The following SGTB variants were observed in gnomAD, a reference collection of about 807,000 sequenced individuals.
SGTB encodes small glutamine-rich tetratricopeptide repeat-containing protein beta.
SGTB carries 19 observed loss-of-function variants against 43.9 expected under a neutral mutation model. The observed-to-expected ratio is 0.43, with a 90% CI of 0.30 to 0.63. SGTB has a LOEUF of 0.63. Ranked by LOEUF, SGTB falls within the 30% of genes least tolerant of loss-of-function variation. The pLI, the probability that SGTB is intolerant of heterozygous loss-of-function variation, is 0.12. For synonymous variants in SGTB, 116 were observed against 117.3 expected (o/e 0.99, Z 0.07); for missense variants, 304 against 358.9 (o/e 0.85, Z 1.24).
chr5:65,721,174 C>T (rs1579893994), intron 1 of SGTB, among the ~76,000 whole-genome samples: 1 of 152,208 alleles, frequency 6.6e-6, no homozygotes, highest in Admixed American at 6.5e-5. Context: ...AGTTAAGAGG[C>T]ATTTCATACT....
At chr5:65,708,695 T>C (rs1251179897) in intron 3 of SGTB, 137 bp from the exon 4 acceptor site, 32 of 555,854 alleles carry the variant, frequency 5.8e-5, no homozygotes, top group Middle Eastern at 9.7e-4. Flanking sequence ...TCCTAAATAA[T>C]AGTATTAACA....
chr5:65,714,255 T>C (rs1217022400), intron 2 of SGTB, among the ~76,000 whole-genome samples: 1 of 152,160 alleles, frequency 6.6e-6, no homozygotes, highest in Non-Finnish European at 1.5e-5. Flanking sequence ...CATTCATCTA[T>C]GCAAATTTGC....
intron 2 of SGTB, among the ~76,000 whole-genome samples, chr5:65,717,909 G>T (rs1010493604): frequency 1.3e-5 from 2 of 151,994 alleles, no homozygotes; most frequent in Non-Finnish European, 2.9e-5. Context: ...AACAAAGTTG[G>T]GCTTTGCAAG....
At chr5:65,711,152 G>A (rs1340004658) in intron 3 of SGTB, among the ~76,000 whole-genome samples, 13 of 151,870 alleles carry the variant, frequency 8.6e-5, no homozygotes, top group South Asian at 2.1e-4. Flanking sequence ...GCGACAGGGC[G>A]AGACTCCATC....
chr5:65,707,594 C>A (rs986648864), intron 4 of SGTB, among the ~76,000 whole-genome samples: 1 of 151,882 alleles, frequency 6.6e-6, no homozygotes, highest in African/African-American at 2.4e-5. Context: ...ACCACCATGC[C>A]CAGCTAATTT....
intron 5 of SGTB, among the ~76,000 whole-genome samples, chr5:65,689,329 C>G (rs1036373938): frequency 2.0e-5 from 3 of 152,110 alleles, no homozygotes; most frequent in Non-Finnish European, 4.4e-5. Context: ...TCAGAGCAAT[C>G]AAGGACCATT....
chr5:65,682,405 G>A (rs921213496), intron 6 of SGTB, among the ~76,000 whole-genome samples: 10 of 152,164 alleles, frequency 6.6e-5, no homozygotes, highest in Non-Finnish European at 1.0e-4. Flanking sequence ...TGGCTTCTAC[G>A]TAGAGGATCT....
chr5:65,696,387 G>C (rs1757714927), intron 5 of SGTB, among the ~76,000 whole-genome samples: 2 of 152,216 alleles, frequency 1.3e-5, no homozygotes, highest in Admixed American at 1.3e-4. Context: ...CATTGTGTTT[G>C]TGTAGAGACA....
At chr5:65,673,670 T>C (rs918077508) in intron 8 of SGTB, among the ~76,000 whole-genome samples, 11 of 151,468 alleles carry the variant, frequency 7.3e-5, no homozygotes, top group African/African-American at 2.2e-4. Flanking sequence ...TATTTTTTTT[T>C]TTTGAGATGA....
intron 3 of SGTB, among the ~76,000 whole-genome samples, chr5:65,710,267 G>A (rs1227896152): frequency 6.6e-6 from 1 of 152,044 alleles, no homozygotes; most frequent in Non-Finnish European, 1.5e-5. Flanking sequence ...ATAAGCCTAG[G>A]CACTTTATAC....
In SGTB at chr5:65,666,367, T is replaced by C. The variant is rs1014958212; in HGVS notation, c.*3879A>G. ...TTTAACCTATATTATAAAAGTTAGA[T>C]ACACAATTTGGTACATTAAATGAAA... is the stretch of plus-strand genomic sequence containing the variant. On this transcript the variant is annotated 3_prime_UTR_variant, in exon 11 of 11. Coordinates refer to ENST00000381007, the MANE Select transcript of SGTB (RefSeq NM_019072.3). The C allele has an allele frequency of 3.3e-5, 5 of 152,180 alleles. No homozygotes were observed. In the East Asian group the frequency reaches 5.8e-4, roughly 18 times the overall value. The allele number at this position is 152,180 out of a possible 1,614,324, so 9.4% of individuals were successfully genotyped here.
chr5:65,691,590 A>T (rs1397223683), intron 5 of SGTB, among the ~76,000 whole-genome samples: 1 of 150,842 alleles, frequency 6.6e-6, no homozygotes, highest in Non-Finnish European at 1.5e-5. Context: ...GGCCTCCCAA[A>T]GTGCTGGGAT....
chr5:65,696,432 T>C (rs1757715934), intron 5 of SGTB, among the ~76,000 whole-genome samples: 1 of 152,232 alleles, frequency 6.6e-6, no homozygotes, highest in Non-Finnish European at 1.5e-5. Flanking sequence ...TTTCATATCA[T>C]GGAGAACTTG....
chr5:65,694,006 T>C (rs955466216), intron 5 of SGTB, among the ~76,000 whole-genome samples: 2 of 152,200 alleles, frequency 1.3e-5, no homozygotes, highest in Non-Finnish European at 2.9e-5. Context: ...CAATATTTAA[T>C]TGTATTACAT....
intron 6 of SGTB, among the ~76,000 whole-genome samples, chr5:65,681,777 C>A (rs1304468650): frequency 6.6e-6 from 1 of 152,062 alleles, no homozygotes. Context: ...GAGTCTGAGA[C>A]CAGTCTGGCC....
chr5:65,672,727 C>T (rs1277730048), intron 8 of SGTB, among the ~76,000 whole-genome samples: 1 of 152,208 alleles, frequency 6.6e-6, no homozygotes, highest in East Asian at 1.9e-4. Context: ...TATGTGCACA[C>T]ATACTTTTAA....
At chr5:65,688,422 A>G (rs993939367) in intron 5 of SGTB, among the ~76,000 whole-genome samples, 2 of 152,190 alleles carry the variant, frequency 1.3e-5, no homozygotes, top group African/African-American at 4.8e-5. Flanking sequence ...CAAGAGTCTC[A>G]CCTTCAAAAC....
upstream of SGTB, chr5:65,722,405 G>T: frequency 6.3e-7 from 1 of 1,590,640 alleles, no homozygotes; most frequent in Non-Finnish European, 8.5e-7. Context: ...GCTGTGCGAA[G>T]CCTCCGCAGG....
intron 4 of SGTB, among the ~76,000 whole-genome samples, chr5:65,705,324 C>G (rs975081989): frequency 1.3e-5 from 2 of 152,070 alleles, no homozygotes; most frequent in Non-Finnish European, 1.5e-5. Flanking sequence ...CGCAGTGGTA[C>G]ACACTTGTAG....
Sources: allele counts gnomAD v4.1 joint callset (sites outside exome capture counted in the v4.1 genomes callset), GRCh38; gene constraint gnomAD v4.1.1; transcripts MANE v1.5; gene names NCBI Gene and HGNC (gene_info 2026-07-23, HGNC 2026-07-21).